Variants in FBLN7 observed in about 807,000 individuals in gnomAD.
FBLN7 encodes the protein fibulin-7.
In FBLN7, 31 loss-of-function variants were observed where a neutral mutation model predicts 44.0. The ratio of observed to expected loss-of-function variants is 0.70; its 90% confidence interval spans 0.53 to 0.95. The LOEUF (loss-of-function observed/expected upper bound fraction) is 0.95. Ranked by LOEUF, FBLN7 falls within the 40% of genes least tolerant of loss-of-function variation. FBLN7 has a pLI of 0.00. For synonymous variants in FBLN7, 262 were observed against 253.4 expected, an observed-to-expected ratio of 1.03 and a Z score of -0.32; for missense variants, 573 against 618.5, an observed-to-expected ratio of 0.93 and a Z score of 0.78.
At chr2:112,165,492 T>C (rs976065196) in intron 3 of FBLN7, among the ~76,000 whole-genome samples, 1 of 152,184 alleles carries the variant, frequency 6.6e-6, no homozygotes, top group African/African-American at 2.4e-5. Context: ...GCTTGGCACC[T>C]GGACACTCTG....
At chr2:112,181,983 C>A in intron 5 of FBLN7, 107 bp downstream of exon 5, 1 of 1,391,986 alleles carries the variant, frequency 7.2e-7, no homozygotes, top group South Asian at 1.4e-5. Context: ...GCTTCCTGCG[C>A]GCGGTCTCAG....
At chr2:112,178,433 G>A (rs989631306) in intron 4 of FBLN7, among the ~76,000 whole-genome samples, 2 of 152,110 alleles carry the variant, frequency 1.3e-5, no homozygotes, top group Non-Finnish European at 2.9e-5. Context: ...ACAAAGAAGA[G>A]CTGGTACCAT....
chr2:112,192,290 G>A (rs1370122851), downstream of FBLN7, among the ~76,000 whole-genome samples: 3 of 152,142 alleles, frequency 2.0e-5, no homozygotes, highest in Admixed American at 2.0e-4. Flanking sequence ...ACCCCCAACA[G>A]CAATGTATGA....
intron 3 of FBLN7, among the ~76,000 whole-genome samples, chr2:112,171,910 C>T (rs1161936496): frequency 1.3e-5 from 2 of 152,104 alleles, no homozygotes; most frequent in African/African-American, 4.8e-5. Flanking sequence ...CCATACCCGG[C>T]TAATTTTTTT....
chr2:112,156,529 T>A (rs1049486469), intron 1 of FBLN7, among the ~76,000 whole-genome samples: 5 of 152,294 alleles, frequency 3.3e-5, no homozygotes, highest in Middle Eastern at 6.8e-3. Flanking sequence ...GAGCCCCCCT[T>A]TTTTAAGGAA....
At chr2:112,212,806 C>G in the FBLN7 span, 1 of 151,968 alleles carries the variant, frequency 6.6e-6, no homozygotes, top group Non-Finnish European at 1.5e-5. Context: ...AGACACAATC[C>G]TAGCATTCAG....
At chr2:112,202,875 C>T in the FBLN7 span, among the ~76,000 whole-genome samples, 8 of 152,256 alleles carry the variant, frequency 5.3e-5, no homozygotes, top group South Asian at 1.4e-3. Context: ...ACTATTTGAT[C>T]TCACAGCTTA....
downstream of FBLN7, chr2:112,189,957 G>A (rs1683431041): frequency 6.6e-6 from 1 of 152,090 alleles, no homozygotes; most frequent in Non-Finnish European, 1.5e-5. Context: ...TTTACTTGCA[G>A]TAGGTCTATG....
At chr2:112,219,289 T>G in the FBLN7 span, among the ~76,000 whole-genome samples, 1 of 152,086 alleles carries the variant, frequency 6.6e-6, no homozygotes, top group East Asian at 1.9e-4. Context: ...CCCTCACGTC[T>G]ATGGTAAATA....
chr2:112,182,186 G>A lies in FBLN7; in HGVS notation c.670+310G>A, dbSNP rs1273499961. Among the ~76,000 whole-genome samples the A allele has an allele frequency of 2.0e-5, 3 of 152,190 alleles. No individual in the cohort carries two copies. The South Asian group carries it at 6.2e-4, about 31-fold the overall frequency. ...CTGGCTGGAATCACGTCTACGGGTG[G>A]CAAGGAGGAGCTTAAATCGCCGTGT... On this transcript the variant is annotated intron_variant, in intron 5 of 7. Transcript: ENST00000331203.
At chr2:112,166,786 C>T (rs1472695083) in intron 3 of FBLN7, among the ~76,000 whole-genome samples, 1 of 152,176 alleles carries the variant, frequency 6.6e-6, no homozygotes, top group African/African-American at 2.4e-5. Context: ...CCTTCTCGGT[C>T]TACTCCGCAC....
the FBLN7 span, among the ~76,000 whole-genome samples, chr2:112,208,294 G>A: frequency 3.3e-5 from 5 of 152,096 alleles, no homozygotes; most frequent in Non-Finnish European, 7.4e-5. Context: ...CCAGCTACTC[G>A]GGAGGCAAAG....
At chr2:112,152,579 G>A (rs1681212496) in intron 1 of FBLN7, 1 of 152,236 alleles carries the variant, frequency 6.6e-6, no homozygotes, top group African/African-American at 2.4e-5. Context: ...TTGCTGAGAA[G>A]CGATTGTTTA....
intron 2 of FBLN7, among the ~76,000 whole-genome samples, chr2:112,160,524 T>G (rs1681704925): frequency 6.6e-6 from 1 of 152,182 alleles, no homozygotes; most frequent in Admixed American, 6.5e-5. Flanking sequence ...TGGATCCAGT[T>G]TTGGTTTTGT....
At chr2:112,230,867 C>T in the FBLN7 span, 1 of 1,260,576 alleles carries the variant, frequency 7.9e-7, no homozygotes, top group Non-Finnish European at 1.0e-6. Context: ...GATGTTCAGA[C>T]AAGAAAAAAA....
chr2:112,237,079 A>C, the FBLN7 span, among the ~76,000 whole-genome samples: 1 of 152,234 alleles, frequency 6.6e-6, no homozygotes, highest in South Asian at 2.1e-4. Context: ...TGGAAAAAAG[A>C]AGTATGATTT....
chr2:112,185,156 G>A (rs1553479523), intron 6 of FBLN7, 45 bp from the exon 7 acceptor site: 1 of 1,587,214 alleles, frequency 6.3e-7, no homozygotes, highest in Admixed American at 1.7e-5. Context: ...TGCAATGGAG[G>A]GAAGGTCAGG....
intron 1 of FBLN7, among the ~76,000 whole-genome samples, chr2:112,157,429 C>G: frequency 6.6e-6 from 1 of 152,002 alleles, no homozygotes; most frequent in East Asian, 1.9e-4. Context: ...TAAAGATAAC[C>G]ATCATCGTCT....
intron 3 of FBLN7, among the ~76,000 whole-genome samples, chr2:112,170,713 T>G (rs1682413732): frequency 6.6e-6 from 1 of 152,252 alleles, no homozygotes; most frequent in South Asian, 2.1e-4. Flanking sequence ...ACTGTAGTCA[T>G]GGGCCATGCA....
Sources: allele counts gnomAD v4.1 joint callset (sites outside exome capture counted in the v4.1 genomes callset), GRCh38; gene constraint gnomAD v4.1.1; transcripts MANE v1.5; gene names NCBI Gene and HGNC (gene_info 2026-07-23, HGNC 2026-07-21).